The following WNT9B variants were observed in gnomAD, a reference collection of about 807,000 sequenced individuals.
WNT9B encodes the protein protein Wnt-9b.
Under a neutral mutation model 30.2 loss-of-function variants are expected in WNT9B, and 12 were observed. The ratio of observed to expected loss-of-function variants is 0.40; its 90% CI spans 0.26 to 0.64. The LOEUF (loss-of-function observed/expected upper bound fraction) is 0.64. Among genes scored for constraint, WNT9B ranks in the 30% least tolerant of loss-of-function variants. The probability of loss-of-function intolerance (pLI) is 0.42; values close to 1 mark genes in which losing one functional copy is unlikely to be tolerated. For synonymous variants in WNT9B, 218 were observed against 216.9 expected, an observed-to-expected ratio of 1.01 and a Z score of -0.05; for missense variants, 442 against 485.2, an observed-to-expected ratio of 0.91 and a Z score of 0.84.
intron 1 of WNT9B, among the ~76,000 whole-genome samples, chr17:46,834,530 G>A (rs895782510): frequency 3.9e-5 from 6 of 152,162 alleles, no homozygotes; most frequent in Admixed American, 3.3e-4. Flanking sequence ...AGCTCCTCTC[G>A]CTGGCTTGCC....
intron 1 of WNT9B, among the ~76,000 whole-genome samples, chr17:46,836,943 T>C (rs2084638961): frequency 6.6e-6 from 1 of 152,204 alleles, no homozygotes; most frequent in Non-Finnish European, 1.5e-5. Flanking sequence ...TATTTCTTTT[T>C]CTTTTTTTCT....
chr17:46,864,994 C>A (rs1381026949), intron 1 of WNT9B, among the ~76,000 whole-genome samples: 2 of 152,112 alleles, frequency 1.3e-5, no homozygotes, highest in East Asian at 3.9e-4. Flanking sequence ...AGCCTAGGAA[C>A]TGGGGTAGAT....
intron 1 of WNT9B, among the ~76,000 whole-genome samples, chr17:46,841,575 C>A (rs971959268): frequency 6.6e-6 from 1 of 152,202 alleles, no homozygotes; most frequent in Non-Finnish European, 1.5e-5. Flanking sequence ...TGGGGACGCC[C>A]TGACGCAACA....
chr17:46,857,091 A>C (rs2084951052), intron 1 of WNT9B, among the ~76,000 whole-genome samples: 2 of 152,200 alleles, frequency 1.3e-5, no homozygotes, highest in Admixed American at 6.5e-5. Flanking sequence ...TGAATATAGC[A>C]ATAGCGAATT....
Position 46,878,588 on chromosome 17 carries a change from C to G in WNT9B, c.*1870C>G, listed in dbSNP as rs2085381355. On this transcript the variant is annotated 3_prime_UTR_variant, in exon 4 of 4. Coordinates refer to ENST00000290015, the MANE Select transcript of WNT9B (RefSeq NM_003396.3). ...AGGGCTGGTTTTCTCCTTTCTTCCA[C>G]TTCCCCACAGCATGGAGATTTTCTC... 6.6e-6 allele frequency among the ~76,000 whole-genome samples: 1 copy of G among 152,214 alleles called. No homozygotes were observed. The highest frequency in any genetic ancestry group is 1.5e-5 in the Non-Finnish European group (1 of 68,046).
At chr17:46,866,612 G>T (rs982036663) in intron 1 of WNT9B, among the ~76,000 whole-genome samples, 9 of 152,062 alleles carry the variant, frequency 5.9e-5, no homozygotes, top group Non-Finnish European at 1.3e-4. Flanking sequence ...ATCTGATGGG[G>T]TTTTTCAGGG....
chr17:46,834,960 GC>G (rs1232673521), intron 1 of WNT9B, among the ~76,000 whole-genome samples: 2 of 152,028 alleles, frequency 1.3e-5, no homozygotes, highest in Non-Finnish European at 2.9e-5. Flanking sequence ...CCCTAGATTG[GC>G]CCTCAGTCTC....
At chr17:46,853,291 G>A (rs1004875547) in intron 1 of WNT9B, among the ~76,000 whole-genome samples, 1 of 147,156 alleles carries the variant, frequency 6.8e-6, no homozygotes, top group Non-Finnish European at 1.5e-5. Flanking sequence ...TTTATAAGAA[G>A]ATTGAGCTAG....
intron 1 of WNT9B, among the ~76,000 whole-genome samples, chr17:46,863,601 T>C (rs1209911113): frequency 6.6e-6 from 1 of 152,144 alleles, no homozygotes; most frequent in Non-Finnish European, 1.5e-5. Context: ...CATCACAGCA[T>C]ACTAGAGCTG....
downstream of WNT9B, among the ~76,000 whole-genome samples, chr17:46,882,941 C>T (rs766111023): frequency 1.4e-4 from 22 of 152,102 alleles, no homozygotes; most frequent in Non-Finnish European, 2.8e-4. Flanking sequence ...TTTCCTCATA[C>T]TCCCCTCTGG....
At position 46,878,034 on chromosome 17, in the gene WNT9B, G is replaced by T. The variant is rs1390982451; in HGVS notation, c.*1316G>T. On this transcript the variant is annotated 3_prime_UTR_variant, in exon 4 of 4. Transcript: ENST00000290015. Reference sequence around the variant, plus strand: ...AGGAGAGACTGGTACCTCCACACAGGCACACATGGATGCACAGCCCCTGGA... The same window carrying T: ...AGGAGAGACTGGTACCTCCACACAGTCACACATGGATGCACAGCCCCTGGA... 6.6e-6 allele frequency among the ~76,000 whole-genome samples: 1 copy of T among 152,176 alleles called. No homozygotes were observed. Among genetic ancestry groups the T allele is most frequent in the African/African-American group, 2.4e-5 (1 of 41,444 alleles).
At chr17:46,858,978 CTTT>C (rs35256955) in intron 1 of WNT9B, among the ~76,000 whole-genome samples, 2 of 134,204 alleles carry the variant, frequency 1.5e-5, no homozygotes, top group Non-Finnish European at 1.6e-5. Flanking sequence ...ATAATTTTAG[CTTT>C]TTTTTTTTTT....
chr17:46,834,032 C>A (rs2084591570), intron 1 of WNT9B, among the ~76,000 whole-genome samples: 1 of 151,864 alleles, frequency 6.6e-6, no homozygotes, highest in South Asian at 2.1e-4. Context: ...CCTGTCTCTG[C>A]AAAAATTTAA....
chr17:46,880,115 A>G lies in WNT9B; in HGVS notation c.*3397A>G, dbSNP rs2085404142. Among the ~76,000 whole-genome samples, 1 of 152,200 alleles carries G rather than the reference A, an allele frequency of 6.6e-6. No individual in the cohort carries two copies. Among genetic ancestry groups the G allele is most frequent in the African/African-American group, 2.4e-5 (1 of 41,460 alleles). On this transcript the variant is annotated 3_prime_UTR_variant, in exon 4 of 4. Coordinates refer to ENST00000290015, the MANE Select transcript of WNT9B (RefSeq NM_003396.3). ...TGCATGTCCTCCTGCAGGCAGCTAG[A>G]GTGAGGGAGTCTAATGGACAGGATG...
At chr17:46,841,899 G>A (rs563741400) in intron 1 of WNT9B, among the ~76,000 whole-genome samples, 5 of 152,188 alleles carry the variant, frequency 3.3e-5, no homozygotes, top group Admixed American at 6.5e-5. Context: ...TGCGGTGTGT[G>A]GGGGGGTCTC....
intron 1 of WNT9B, among the ~76,000 whole-genome samples, chr17:46,837,769 T>G (rs2084650887): frequency 6.6e-6 from 1 of 152,244 alleles, no homozygotes; most frequent in African/African-American, 2.4e-5. Flanking sequence ...GGCAGAGGAC[T>G]GACCTGGTAT....
At chr17:46,844,492 TC>T (rs925612374) in intron 1 of WNT9B, among the ~76,000 whole-genome samples, 7 of 152,136 alleles carry the variant, frequency 4.6e-5, no homozygotes, top group Non-Finnish European at 1.0e-4. Context: ...AATGAGCACT[TC>T]CTGTAAACTT....
At chr17:46,853,676 T>C (rs1216539337) in intron 1 of WNT9B, among the ~76,000 whole-genome samples, 1 of 152,158 alleles carries the variant, frequency 6.6e-6, no homozygotes, top group Non-Finnish European at 1.5e-5. Flanking sequence ...CTAGTTTTTT[T>C]CATTAAGGAA....
chr17:46,885,142 C>A, downstream of WNT9B: 1 of 375,420 alleles, frequency 2.7e-6, no homozygotes, highest in South Asian at 1.9e-5. Flanking sequence ...GCATGCACCA[C>A]CACGCCTGAC....
Sources: gnomAD v4.1 joint callset for allele counts (sites outside exome capture counted in the v4.1 genomes callset) on GRCh38, gnomAD v4.1.1 for gene constraint, MANE v1.5 for transcripts, NCBI Gene and HGNC (gene_info 2026-07-23, HGNC 2026-07-21) for gene names.